The following SELENOF variants were observed in gnomAD, a reference collection of about 807,000 sequenced individuals.
SELENOF encodes the protein selenoprotein F, also known as 15 kDa selenoprotein.
In SELENOF, 16 loss-of-function variants were observed where a neutral mutation model predicts 20.5. That is an observed-to-expected ratio of 0.78 (90% CI 0.53 to 1.19). The LOEUF is 1.19. Among genes scored for constraint, SELENOF ranks in the 50% most tolerant of loss-of-function variants. The probability of loss-of-function intolerance (pLI) is 0.00; values close to 1 mark genes in which losing one functional copy is unlikely to be tolerated. For missense variants in SELENOF, 215 were observed against 194.2 expected (o/e 1.11, Z -0.64); for synonymous variants, 78 against 74.5 (o/e 1.05, Z -0.24).
intron 2 of SELENOF, among the ~76,000 whole-genome samples, chr1:86,886,539 C>T (rs1330005544): frequency 1.3e-5 from 2 of 151,664 alleles, no homozygotes; most frequent in African/African-American, 4.8e-5. Flanking sequence ...AGCAATTCCA[C>T]AGTACCAACA....
intron 2 of SELENOF, among the ~76,000 whole-genome samples, chr1:86,893,940 G>A (rs1659454493): frequency 6.6e-6 from 1 of 152,108 alleles, no homozygotes; most frequent in African/African-American, 2.4e-5. Context: ...TTCAATTCTA[G>A]TATAATAAGA....
chr1:86,889,857 A>C (rs1659332393), intron 2 of SELENOF, among the ~76,000 whole-genome samples: 1 of 152,126 alleles, frequency 6.6e-6, no homozygotes, highest in South Asian at 2.1e-4. Context: ...ATTGATTTCA[A>C]ATCTGTCCTT....
chr1:86,868,635 T>C (rs1428453183), intron 3 of SELENOF, among the ~76,000 whole-genome samples: 1 of 152,046 alleles, frequency 6.6e-6, no homozygotes, highest in Non-Finnish European at 1.5e-5. Context: ...TAAACACTTC[T>C]GAGAAAGGTG....
intron 2 of SELENOF, among the ~76,000 whole-genome samples, chr1:86,887,877 A>G (rs1162647511): frequency 6.6e-6 from 1 of 152,174 alleles, no homozygotes; most frequent in African/African-American, 2.4e-5. Flanking sequence ...TACTTAGGAA[A>G]TATCACATGA....
chr1:86,871,794 G>A (rs559100069), intron 3 of SELENOF, among the ~76,000 whole-genome samples: 1 of 147,320 alleles, frequency 6.8e-6, no homozygotes, highest in Non-Finnish European at 1.5e-5. Context: ...AAAAAGATTG[G>A]TATTTGAATA....
At chr1:86,887,762 T>C (rs1570390544) in intron 2 of SELENOF, among the ~76,000 whole-genome samples, 1 of 151,940 alleles carries the variant, frequency 6.6e-6, no homozygotes. Flanking sequence ...AGACTCTCAT[T>C]AGGAAAAAAA....
chr1:86,894,937 C>A (rs1570397048), intron 2 of SELENOF, among the ~76,000 whole-genome samples: 1 of 152,280 alleles, frequency 6.6e-6, no homozygotes, highest in Non-Finnish European at 1.5e-5. Context: ...ATTAGCACAA[C>A]CTTTTTTCCT....
At chr1:86,896,575 T>A (rs918431517) in intron 2 of SELENOF, among the ~76,000 whole-genome samples, 2 of 152,238 alleles carry the variant, frequency 1.3e-5, no homozygotes, top group African/African-American at 4.8e-5. Context: ...CTGATGGTCA[T>A]GTATACTTTG....
intron 2 of SELENOF, among the ~76,000 whole-genome samples, chr1:86,890,746 T>C (rs952399616): frequency 6.6e-6 from 1 of 151,738 alleles, no homozygotes; most frequent in African/African-American, 2.4e-5. Context: ...CCTCAAGTGA[T>C]CCTCTCGCCT....
chr1:86,888,520 T>C (rs1659287254), intron 2 of SELENOF, among the ~76,000 whole-genome samples: 1 of 152,216 alleles, frequency 6.6e-6, no homozygotes, highest in Non-Finnish European at 1.5e-5. Context: ...GTGATCTTCC[T>C]GCCTTGTTCT....
At chr1:86,908,598 G>A (rs902281273) in intron 1 of SELENOF, among the ~76,000 whole-genome samples, 1 of 152,068 alleles carries the variant, frequency 6.6e-6, no homozygotes, top group Admixed American at 6.5e-5. Context: ...CACCATTATC[G>A]TATGTACCAC....
upstream of SELENOF, chr1:86,914,141 A>T (rs752995477): frequency 1.7e-5 from 28 of 1,606,834 alleles, no homozygotes; most frequent in Non-Finnish European, 2.4e-5. Context: ...GCCTAGAAGG[A>T]CCCCTAAGCT....
intron 1 of SELENOF, among the ~76,000 whole-genome samples, chr1:86,906,323 C>A (rs1354675790): frequency 6.6e-6 from 1 of 152,156 alleles, no homozygotes; most frequent in Non-Finnish European, 1.5e-5. Flanking sequence ...TCAAATGTAA[C>A]AATGAGCAGA....
upstream of SELENOF, chr1:86,914,154 G>A (rs764504933): frequency 4.4e-6 from 7 of 1,576,292 alleles, 1 homozygote; most frequent in South Asian, 3.3e-5. Flanking sequence ...CCTAAGCTAG[G>A]GGCGTCCACT....
At chr1:86,900,647 AAGGGAG>A (rs200695192) in intron 2 of SELENOF, among the ~76,000 whole-genome samples, 9 of 150,582 alleles carry the variant, frequency 6.0e-5, no homozygotes, top group Non-Finnish European at 1.0e-4. Context: ...ACCGTGGGGA[AAGGGAG>A]AGGGAGAGGG....
intron 2 of SELENOF, chr1:86,887,007 G>C (rs1659236001): frequency 5.3e-6 from 4 of 757,038 alleles, no homozygotes; most frequent in Non-Finnish European, 7.6e-6. Flanking sequence ...ACATCACACA[G>C]AAACTATTTT....
intron 4 of SELENOF, among the ~76,000 whole-genome samples, chr1:86,866,378 T>G (rs1484972670): frequency 6.7e-6 from 1 of 149,148 alleles, no homozygotes; most frequent in Admixed American, 6.7e-5. Flanking sequence ...ATGATTCCAC[T>G]CATAGTAAGT....
chr1:86,868,323 T>C (rs1270832259), intron 3 of SELENOF, among the ~76,000 whole-genome samples: 4 of 152,130 alleles, frequency 2.6e-5, no homozygotes, highest in Non-Finnish European at 4.4e-5. Flanking sequence ...CAAATTCCAA[T>C]AGGATTTTAA....
At chr1:86,872,028 T>C (rs1218583369) in intron 3 of SELENOF, among the ~76,000 whole-genome samples, 1 of 151,866 alleles carries the variant, frequency 6.6e-6, no homozygotes, top group African/African-American at 2.4e-5. Context: ...CAAGAAAAAA[T>C]AGTCATCACC....
Sources: gnomAD v4.1 joint callset for allele counts (sites outside exome capture counted in the v4.1 genomes callset) on GRCh38, gnomAD v4.1.1 for gene constraint, MANE v1.5 for transcripts, NCBI Gene and HGNC (gene_info 2026-07-23, HGNC 2026-07-21) for gene names.